Variants in LIPA observed in about 807,000 individuals in gnomAD.
LIPA encodes the protein lipase A, lysosomal acid type.
Under a neutral mutation model 40.6 loss-of-function variants are expected in LIPA, and 26 were observed. That is an observed-to-expected ratio of 0.64 (90% CI 0.47 to 0.89). The LOEUF (loss-of-function observed/expected upper bound fraction) is 0.89. Ranked by LOEUF, LIPA falls within the 40% of genes least tolerant of loss-of-function variation. The pLI is 0.00. For synonymous variants in LIPA, 188 were observed against 168.4 expected, an observed-to-expected ratio of 1.12 and a Z score of -0.90; for missense variants, 455 against 479.6, an observed-to-expected ratio of 0.95 and a Z score of 0.48.
Position 89,306,428 on chromosome 10 carries a change from A to C in LIPA, c.-2+36183T>G, listed in dbSNP as rs1384426336. 5 of 1,614,168 alleles carry C rather than the reference A, an allele frequency of 3.1e-6. No homozygotes were observed. In the East Asian group the frequency reaches 1.1e-4, roughly 36 times the overall value. On this transcript the variant is annotated intron_variant, in intron 1 of 5. Coordinates refer to the LIPA transcript ENST00000282673. Reference sequence around the variant, plus strand: ...TGGAGGAAACCAAAATGAAAGAGCGAAGGTGTGCTTTGAGAAGGCTCTGGA... The same window carrying C: ...TGGAGGAAACCAAAATGAAAGAGCGCAGGTGTGCTTTGAGAAGGCTCTGGA...
At chr10:89,373,061 C>T (rs1040818186) in intron 2 of LIPA, among the ~76,000 whole-genome samples, 95 of 150,832 alleles carry the variant, frequency 6.3e-4, no homozygotes, top group African/African-American at 2.0e-3. Flanking sequence ...GGGCCGGACG[C>T]GGTGGCTCAC....
intron 1 of LIPA, among the ~76,000 whole-genome samples, chr10:89,287,135 T>C (rs1346999921): frequency 1.3e-5 from 2 of 152,242 alleles, no homozygotes; most frequent in African/African-American, 4.8e-5. Flanking sequence ...TCTGATTGAC[T>C]TCTTCCCAGA....
At chr10:89,225,282 C>G (rs923453415) in intron 5 of LIPA, 54 bp from the exon 6 acceptor site, 2 of 1,610,376 alleles carry the variant, frequency 1.2e-6, no homozygotes, top group African/African-American at 2.7e-5. Context: ...ATTTCCTTCT[C>G]AGAAAACACA....
chr10:89,384,967 T>G (rs917801790), intron 2 of LIPA: 1 of 498,672 alleles, frequency 2.0e-6, no homozygotes, highest in African/African-American at 1.9e-5. Flanking sequence ...GAAAGTATCA[T>G]CCCTCCTGAT....
rs539732211 is a variant in LIPA, at chr10:89,353,934, C to T, written c.61+58857G>A. ...CTAGCCTGGGTGACAGAATGAGACT[C>T]CGTCTCAAAAAAAAAAAAGAATATA... On this transcript the variant is annotated intron_variant, in intron 2 of 8. Coordinates refer to the LIPA transcript ENST00000371837. 1.5e-3 allele frequency among the ~76,000 whole-genome samples: 231 copies of T among 151,984 alleles called. 1 individual carries two copies. Among genetic ancestry groups the T allele is most frequent in the African/African-American group, 5.4e-3 (224 of 41,442 alleles).
chr10:89,395,746 T>C (rs762502219), intron 2 of LIPA, among the ~76,000 whole-genome samples: 6 of 152,042 alleles, frequency 3.9e-5, no homozygotes, highest in Non-Finnish European at 7.4e-5. Context: ...CATGACCAAA[T>C]ACCCTGAAGC....
At chr10:89,394,667 AT>A (rs1477017490) in intron 2 of LIPA, among the ~76,000 whole-genome samples, 3 of 143,726 alleles carry the variant, frequency 2.1e-5, no homozygotes, top group African/African-American at 8.0e-5. Context: ...GTGATTTTTT[AT>A]TGTGATAAAA....
chr10:89,274,339 C>A (rs1003572517), intron 1 of LIPA, among the ~76,000 whole-genome samples: 2 of 152,172 alleles, frequency 1.3e-5, no homozygotes, highest in African/African-American at 4.8e-5. Flanking sequence ...ATGTGGGTAT[C>A]AACATTATCA....
intron 1 of LIPA, among the ~76,000 whole-genome samples, chr10:89,318,293 A>C (rs1318046386): frequency 4.6e-5 from 7 of 152,178 alleles, no homozygotes; most frequent in Non-Finnish European, 4.4e-5. Flanking sequence ...AGAGTCAAGA[A>C]CCATCAGTGT....
At chr10:89,395,396 C>G (rs1206076185) in intron 2 of LIPA, among the ~76,000 whole-genome samples, 1 of 152,200 alleles carries the variant, frequency 6.6e-6, no homozygotes, top group East Asian at 1.9e-4. Context: ...ATGGCTCCCC[C>G]TTTCCCATTG....
chr10:89,352,362 C>A (rs2133587167), intron 2 of LIPA, among the ~76,000 whole-genome samples: 1 of 152,316 alleles, frequency 6.6e-6, no homozygotes, highest in African/African-American at 2.4e-5. Context: ...ATGGATCACG[C>A]TAACACCACC....
chr10:89,223,423 T>C (rs1842725823), intron 7 of LIPA, among the ~76,000 whole-genome samples: 1 of 152,186 alleles, frequency 6.6e-6, no homozygotes, highest in African/African-American at 2.4e-5. Flanking sequence ...TTATAAATAT[T>C]ACAGCTTAAT....
At chr10:89,332,934 G>A (rs1026504743) in intron 1 of LIPA, among the ~76,000 whole-genome samples, 3 of 152,202 alleles carry the variant, frequency 2.0e-5, no homozygotes, top group Admixed American at 1.3e-4. Context: ...GGCCTGGAGG[G>A]AAGTTACTGG....
chr10:89,358,193 A>G (rs1049134111), intron 2 of LIPA, among the ~76,000 whole-genome samples: 4 of 152,216 alleles, frequency 2.6e-5, no homozygotes, highest in Non-Finnish European at 5.9e-5. Flanking sequence ...CCACAGTCCC[A>G]GGAAGGCCAT....
At chr10:89,254,924 T>C (rs1256831540), upstream of LIPA, among the ~76,000 whole-genome samples, 1 of 152,188 alleles carries the variant, frequency 6.6e-6, no homozygotes, top group East Asian at 1.9e-4. Flanking sequence ...ACAACAAGTT[T>C]CTCATCTCCA....
intron 1 of LIPA, among the ~76,000 whole-genome samples, chr10:89,263,908 T>C (rs1843222684): frequency 6.6e-6 from 1 of 152,218 alleles, no homozygotes; most frequent in African/African-American, 2.4e-5. Context: ...CAGGCACCAG[T>C]ACAGATGCCA....
intron 1 of LIPA, among the ~76,000 whole-genome samples, chr10:89,258,075 A>C (rs1159673920): frequency 6.6e-6 from 1 of 152,188 alleles, no homozygotes; most frequent in Non-Finnish European, 1.5e-5. Context: ...GATCAGCCCT[A>C]AGTTAAGGCT....
intron 2 of LIPA, among the ~76,000 whole-genome samples, chr10:89,409,568 G>A (rs1841454781): frequency 6.6e-6 from 1 of 152,144 alleles, no homozygotes; most frequent in Non-Finnish European, 1.5e-5. Flanking sequence ...AGGGTGCCTG[G>A]GGCAAGCACC....
chr10:89,214,714 T>C lies in LIPA; in HGVS notation c.*114A>G. The C allele has an allele frequency of 1.4e-6, 1 of 693,500 alleles. No individual in the cohort carries two copies. Among genetic ancestry groups the C allele is most frequent in the South Asian group, 1.7e-5 (1 of 59,794 alleles). The allele number at this position is 693,500 out of a possible 1,614,324, so 43.0% of individuals were successfully genotyped here. A position where few individuals can be genotyped will look rare whatever the true frequency, so the allele number is the denominator to read the frequency against. On this transcript the variant is annotated 3_prime_UTR_variant, in exon 10 of 10. Coordinates refer to ENST00000336233, the MANE Select transcript of LIPA (RefSeq NM_000235.4). ...TCTTCAAAGTTATCATTTTCTTGGA[T>C]ATAAAAAAACAAAAGACCTGGGAAA... is the stretch of plus-strand genomic sequence containing the variant.
Sources: allele counts gnomAD v4.1 joint callset (sites outside exome capture counted in the v4.1 genomes callset), GRCh38; gene constraint gnomAD v4.1.1; transcripts MANE v1.5; gene names NCBI Gene and HGNC (gene_info 2026-07-23, HGNC 2026-07-21).